SLC4A4: variants seen among roughly 807,000 people sequenced by gnomAD.
The protein encoded by SLC4A4 is electrogenic sodium bicarbonate cotransporter 1.
SLC4A4 carries 27 observed loss-of-function variants against 111.5 expected under a neutral mutation model. The observed-to-expected ratio is 0.24, with a 90% confidence interval of 0.18 to 0.33. The LOEUF (loss-of-function observed/expected upper bound fraction) is 0.33, where lower values mean the gene tolerates loss of function less well. Ranked by LOEUF, SLC4A4 falls within the 10% of genes least tolerant of loss-of-function variation. The pLI, the probability that SLC4A4 is intolerant of heterozygous loss-of-function variation, is 1.00. For missense variants in SLC4A4, 909 were observed against 1,315.5 expected (o/e 0.69, Z 4.78); for synonymous variants, 443 against 463.4 (o/e 0.96, Z 0.57).
chr4:71,349,761 A>G (rs2148902204), intron 4 of SLC4A4, 151 bp from the exon 5 acceptor site: 2 of 706,154 alleles, frequency 2.8e-6, no homozygotes, highest in Middle Eastern at 3.2e-4. Flanking sequence ...TATGAAGATT[A>G]TGTAATTAAT....
intron 6 of SLC4A4, among the ~76,000 whole-genome samples, chr4:71,380,083 C>T (rs1717965515): frequency 6.6e-6 from 1 of 152,172 alleles, no homozygotes; most frequent in African/African-American, 2.4e-5. Flanking sequence ...AGATTTTAGT[C>T]TTCATATCGC....
intron 24 of SLC4A4, among the ~76,000 whole-genome samples, chr4:71,565,673 G>C (rs958820886): frequency 6.6e-6 from 1 of 151,828 alleles, no homozygotes; most frequent in Admixed American, 6.6e-5. Flanking sequence ...TGCTAAGACT[G>C]TAAGGAAACA....
chr4:71,371,040 A>T (rs181500526), intron 6 of SLC4A4, among the ~76,000 whole-genome samples: 68 of 152,250 alleles, frequency 4.5e-4, no homozygotes, highest in African/African-American at 1.6e-3. Context: ...TACTGTATCC[A>T]TTCAGTAAAT....
intron 21 of SLC4A4, 117 bp from the exon 22 acceptor site, chr4:71,557,595 C>A: frequency 1.0e-6 from 1 of 1,004,786 alleles, no homozygotes; most frequent in Non-Finnish European, 1.5e-6. Flanking sequence ...TTCCTTTGTC[C>A]TCTGAAAAGG....
chr4:71,371,821 C>T (rs1731917922), intron 6 of SLC4A4, among the ~76,000 whole-genome samples: 2 of 152,248 alleles, frequency 1.3e-5, no homozygotes, highest in South Asian at 2.1e-4. Flanking sequence ...TCCTCTGGTG[C>T]AGGTACTTGA....
chr4:71,081,282 A>G (rs2148934673), intron 1 of SLC4A4, among the ~76,000 whole-genome samples: 1 of 152,156 alleles, frequency 6.6e-6, no homozygotes, highest in South Asian at 2.1e-4. Flanking sequence ...TCCCCCACAA[A>G]TTGTTTTTCA....
intron 14 of SLC4A4, among the ~76,000 whole-genome samples, chr4:71,482,142 A>T (rs1253086394): frequency 1.3e-5 from 2 of 151,648 alleles, no homozygotes. Flanking sequence ...TCCAATTGGG[A>T]TTGATCATTT....
At chr4:71,541,190 G>A (rs1301511052) in intron 18 of SLC4A4, among the ~76,000 whole-genome samples, 1 of 152,104 alleles carries the variant, frequency 6.6e-6, no homozygotes, top group African/African-American at 2.4e-5. Flanking sequence ...AGATAATTTT[G>A]CAGCGTTTAG....
chr4:71,305,606 C>T (rs751456290), intron 3 of SLC4A4, among the ~76,000 whole-genome samples: 1 of 152,204 alleles, frequency 6.6e-6, no homozygotes, highest in African/African-American at 2.4e-5. Context: ...ATATGCAAAA[C>T]CTTTCCCCAT....
chr4:71,250,396 C>A (rs1272872043), intron 2 of SLC4A4, among the ~76,000 whole-genome samples: 1 of 151,952 alleles, frequency 6.6e-6, no homozygotes. Flanking sequence ...GGCTATAAAT[C>A]AAATCTGGAA....
Position 71,126,629 on chromosome 4 carries a change from CAGTAAA to C in SLC4A4, c.-2+33845_-2+33850del, listed in dbSNP as rs1475865602. Among the ~76,000 whole-genome samples the C allele has an allele frequency of 5.3e-5, 8 of 152,024 alleles. No individual in the cohort carries two copies. The East Asian group carries it at 1.3e-3, about 26-fold the overall frequency. Reference sequence around the variant, plus strand: ...TAATAAGTTCTATTTTATGTGATTACAGTAAAAGTAAAACTAAAAATTTATGGTTTA... The same window carrying C: ...TAATAAGTTCTATTTTATGTGATTACAGTAAAACTAAAAATTTATGGTTTA... On this transcript the variant is annotated intron_variant, in intron 2 of 26. Coordinates refer to the SLC4A4 transcript ENST00000649996.
rs986605398 is a variant in SLC4A4 at position 71,249,339 on chromosome 4, T to A, written c.74-5881T>A. ...ATCTATTAATAAACACATTATTTTT[T>A]ATGTAAAAAAATTGCCCTTATCCAT... On this transcript the variant is annotated intron_variant, in intron 2 of 25. Transcript: ENST00000264485. 1.6e-4 allele frequency among the ~76,000 whole-genome samples: 24 copies of A among 152,292 alleles called. 1 individual carries two copies. Among genetic ancestry groups the A allele is most frequent in the African/African-American group, 5.5e-4 (23 of 41,578 alleles).
chr4:71,456,259 A>T (rs1465248116), intron 12 of SLC4A4, among the ~76,000 whole-genome samples: 2 of 152,196 alleles, frequency 1.3e-5, no homozygotes, highest in African/African-American at 2.4e-5. Flanking sequence ...TTTAAGAAAC[A>T]TATTGGCAAT....
At chr4:71,389,117 T>C (rs1211282179) in intron 6 of SLC4A4, among the ~76,000 whole-genome samples, 2 of 152,164 alleles carry the variant, frequency 1.3e-5, no homozygotes, top group Non-Finnish European at 2.9e-5. Flanking sequence ...GGACTGTAGA[T>C]AACAAAGGTC....
At chr4:71,351,778 G>A (rs1729866458) in intron 5 of SLC4A4, among the ~76,000 whole-genome samples, 1 of 152,154 alleles carries the variant, frequency 6.6e-6, no homozygotes, top group South Asian at 2.1e-4. Flanking sequence ...CATTTATTCA[G>A]CAGTAGTACA....
chr4:71,458,799 A>G (rs1318236397), intron 12 of SLC4A4, among the ~76,000 whole-genome samples: 1 of 152,028 alleles, frequency 6.6e-6, no homozygotes, highest in Non-Finnish European at 1.5e-5. Flanking sequence ...GCAAATTGGT[A>G]ATTGCTTTAC....
intron 4 of SLC4A4, among the ~76,000 whole-genome samples, chr4:71,340,339 T>G (rs1728799411): frequency 6.6e-6 from 1 of 152,242 alleles, no homozygotes; most frequent in Admixed American, 6.5e-5. Context: ...TTACTCACTG[T>G]ACAGTACAGT....
intron 3 of SLC4A4, among the ~76,000 whole-genome samples, chr4:71,333,275 C>T (rs1219079094): frequency 6.6e-6 from 1 of 152,226 alleles, no homozygotes; most frequent in Non-Finnish European, 1.5e-5. Flanking sequence ...TGCTGTGACT[C>T]TTACAGACTT....
intron 20 of SLC4A4, among the ~76,000 whole-genome samples, chr4:71,551,581 G>A (rs1007823184): frequency 6.6e-6 from 1 of 151,860 alleles, no homozygotes; most frequent in African/African-American, 2.4e-5. Context: ...TACAAAGTTC[G>A]TAAATAATAG....
Sources: allele counts gnomAD v4.1 joint callset (sites outside exome capture counted in the v4.1 genomes callset), GRCh38; gene constraint gnomAD v4.1.1; transcripts MANE v1.5; gene names NCBI Gene and HGNC (gene_info 2026-07-23, HGNC 2026-07-21).